FAT3: variants seen among roughly 807,000 people sequenced by gnomAD.
FAT3 encodes the protein FAT atypical cadherin 3.
Under a neutral mutation model 310.2 loss-of-function variants are expected in FAT3, and 95 were observed. That is an observed-to-expected ratio of 0.31 (90% CI 0.26 to 0.36). The LOEUF is 0.36. Ranked by LOEUF, FAT3 falls within the 10% of genes least tolerant of loss-of-function variation. FAT3 has a pLI of 1.00. For missense variants in FAT3, 5,408 were observed against 5,715.6 expected, an observed-to-expected ratio of 0.95 and a Z score of 1.74; for synonymous variants, 2,314 against 2,192.9, an observed-to-expected ratio of 1.06 and a Z score of -1.54.
chr11:92,325,280 T>G (rs755603759), intron 1 of FAT3, among the ~76,000 whole-genome samples: 1 of 152,172 alleles, frequency 6.6e-6, no homozygotes, highest in African/African-American at 2.4e-5. Flanking sequence ...ATATTCTGCT[T>G]CCTTTGGCTA....
chr11:92,413,479 G>T (rs377460820), intron 2 of FAT3, among the ~76,000 whole-genome samples: 26 of 152,212 alleles, frequency 1.7e-4, no homozygotes, highest in African/African-American at 5.3e-4. Context: ...CCTGTCAAAT[G>T]GGGTCACATT....
intron 19 of FAT3, among the ~76,000 whole-genome samples, chr11:92,854,857 A>G (rs1418089206): frequency 6.6e-6 from 1 of 152,224 alleles, no homozygotes; most frequent in East Asian, 1.9e-4. Context: ...TCTCAGAAAC[A>G]CAGAAGCTTA....
rs747463412 is a variant in FAT3, at chr11:92,690,817, C to CA, written c.3608-6567_3608-6566insA. On this transcript the variant is annotated intron_variant, in intron 3 of 27. Transcript: ENST00000525166. The stretch of plus-strand genomic sequence containing the variant: ...GAATATTTTAATGCTTCTTAATGGG[C>CA]TGAAGGGAAAGAGGTGGAAATAGGG... Among the ~76,000 whole-genome samples the CA allele has an allele frequency of 3.9e-3, 588 of 152,160 alleles. 2 individuals are homozygous for CA. Among genetic ancestry groups the CA allele is most frequent in the Non-Finnish European group, 6.6e-3 (446 of 68,016 alleles).
chr11:92,804,373 A>G (rs181083507), intron 10 of FAT3, among the ~76,000 whole-genome samples: 11 of 152,112 alleles, frequency 7.2e-5, no homozygotes, highest in Non-Finnish European at 1.3e-4. Context: ...CAAGGTCATC[A>G]TCTTCTTCCT....
At chr11:92,293,512 TTATA>T (rs1195340265) in intron 1 of FAT3, among the ~76,000 whole-genome samples, 5,403 of 67,542 alleles carry the variant, frequency 0.08, 140 homozygotes, top group Middle Eastern at 0.11. Flanking sequence ...GAACCTCAGA[TTATA>T]TATATATATA....
At chr11:92,780,985 A>G (rs1946733086) in intron 7 of FAT3, among the ~76,000 whole-genome samples, 1 of 152,120 alleles carries the variant, frequency 6.6e-6, no homozygotes, top group South Asian at 2.1e-4. Flanking sequence ...TCAAAGAGTT[A>G]ATGGATGAAA....
At chr11:92,618,198 C>G (rs1356989291) in intron 3 of FAT3, among the ~76,000 whole-genome samples, 1 of 152,328 alleles carries the variant, frequency 6.6e-6, no homozygotes, top group Non-Finnish European at 1.5e-5. Context: ...GCCCCTCCCC[C>G]AGCCTTGCTG....
chr11:92,760,752 A>T (rs765271132), intron 4 of FAT3, among the ~76,000 whole-genome samples: 40 of 152,212 alleles, frequency 2.6e-4, no homozygotes, highest in Non-Finnish European at 4.9e-4. Context: ...CACTATCGAC[A>T]TGTTAGGTGT....
chr11:92,650,130 A>G (rs957803984), intron 3 of FAT3, among the ~76,000 whole-genome samples: 5 of 151,022 alleles, frequency 3.3e-5, no homozygotes, highest in East Asian at 2.0e-4. Context: ...TTTTGCCATT[A>G]TGATTGGATG....
chr11:92,786,614 A>G (rs1229943344), intron 7 of FAT3, among the ~76,000 whole-genome samples: 1 of 152,168 alleles, frequency 6.6e-6, no homozygotes, highest in Non-Finnish European at 1.5e-5. Context: ...TTATGTTGGC[A>G]AGGTTGTGAG....
At chr11:92,379,529 C>T (rs556559286) in intron 2 of FAT3, among the ~76,000 whole-genome samples, 3 of 152,244 alleles carry the variant, frequency 2.0e-5, no homozygotes, top group South Asian at 4.2e-4. Context: ...TCCCTGCCTC[C>T]ACCAAAATCA....
intron 1 of FAT3, among the ~76,000 whole-genome samples, chr11:92,235,007 G>A (rs1490185649): frequency 6.6e-6 from 1 of 151,636 alleles, no homozygotes; most frequent in Non-Finnish European, 1.5e-5. Context: ...GGAGGCAGAG[G>A]TTGCAGTGAG....
chr11:92,322,715 T>A (rs1449623994), intron 1 of FAT3, among the ~76,000 whole-genome samples: 1 of 152,228 alleles, frequency 6.6e-6, no homozygotes, highest in East Asian at 1.9e-4. Context: ...TCTTTGGTCA[T>A]ACTTGAGAAA....
chr11:92,254,459 C>T (rs550087032), intron 1 of FAT3, among the ~76,000 whole-genome samples: 12 of 152,128 alleles, frequency 7.9e-5, no homozygotes, highest in Non-Finnish European at 1.6e-4. Flanking sequence ...AGTTTAAGAT[C>T]CTGCTGGCTG....
chr11:92,608,807 C>G (rs1286690937), intron 3 of FAT3, among the ~76,000 whole-genome samples: 1 of 151,934 alleles, frequency 6.6e-6, no homozygotes, highest in Non-Finnish European at 1.5e-5. Flanking sequence ...AACAGCATCT[C>G]TGTCTGGAAG....
chr11:92,833,659 A>G (rs961259344), intron 14 of FAT3, among the ~76,000 whole-genome samples: 6 of 152,172 alleles, frequency 3.9e-5, no homozygotes, highest in Non-Finnish European at 8.8e-5. Flanking sequence ...GGAAGGTGAA[A>G]ATATTGATGG....
At chr11:92,869,862 C>T (rs1949342612) in intron 22 of FAT3, among the ~76,000 whole-genome samples, 1 of 152,140 alleles carries the variant, frequency 6.6e-6, no homozygotes. Context: ...AGTCTAATCA[C>T]AGGAAGAGAC....
At chr11:92,356,093 G>T (rs544069350) in intron 2 of FAT3, among the ~76,000 whole-genome samples, 1 of 152,004 alleles carries the variant, frequency 6.6e-6, no homozygotes, top group Admixed American at 6.6e-5. Flanking sequence ...TATTTTCATC[G>T]CTTCTGACTT....
chr11:92,384,974 A>C (rs1265884400), intron 2 of FAT3, among the ~76,000 whole-genome samples: 2 of 152,244 alleles, frequency 1.3e-5, no homozygotes, highest in Admixed American at 6.5e-5. Flanking sequence ...TAAGTGACCC[A>C]GATTTCCGCA....
Sources: gnomAD v4.1 joint callset for allele counts (sites outside exome capture counted in the v4.1 genomes callset) on GRCh38, gnomAD v4.1.1 for gene constraint, MANE v1.5 for transcripts, NCBI Gene and HGNC (gene_info 2026-07-23, HGNC 2026-07-21) for gene names.